Variants in HMCN1 observed in about 807,000 individuals in gnomAD.
HMCN1 encodes the protein hemicentin-1.
Under a neutral mutation model 625.9 loss-of-function variants are expected in HMCN1, and 321 were observed. That is an observed-to-expected ratio of 0.51 (90% CI 0.47 to 0.56). The LOEUF (loss-of-function observed/expected upper bound fraction) is 0.56. HMCN1 is among the 20% of genes least tolerant of loss of function. HMCN1 has a pLI of 0.00. For synonymous variants in HMCN1, 2,425 were observed against 2,417.6 expected (o/e 1.00, Z -0.09); for missense variants, 6,588 against 6,887.3 (o/e 0.96, Z 1.54).
In HMCN1 at chr1:186,061,863, T is replaced by C; in HGVS notation, c.7325T>C (p.Leu2442Pro). The change falls in exon 47 of 107, where the codon CTA becomes CCA. Residue 2442 changes from leucine to proline, a missense_variant. Transcript: ENST00000271588. ...TTTGCTTCTGCAGGAGGCAGGATGC[T>C]ACGGCTGATGCAGACCACAATGGAA... ...SVRILSGGRM[L>P]RLMQTTMEDA... 1 of 1,611,184 alleles carries C rather than the reference T, an allele frequency of 6.2e-7. No homozygotes were observed. Among genetic ancestry groups the C allele is most frequent in the Non-Finnish European group, 8.5e-7 (1 of 1,177,586 alleles).
intron 2 of HMCN1, among the ~76,000 whole-genome samples, chr1:185,847,873 A>T (rs1661924102): frequency 6.6e-6 from 1 of 152,018 alleles, no homozygotes; most frequent in Non-Finnish European, 1.5e-5. Context: ...GGATCACTTG[A>T]GCCCAGGAGT....
intron 3 of HMCN1, among the ~76,000 whole-genome samples, chr1:185,864,963 G>A (rs575078598): frequency 2.6e-5 from 4 of 152,324 alleles, no homozygotes; most frequent in Admixed American, 6.5e-5. Context: ...GTGGAATCAC[G>A]CCTGAGTCAG....
chr1:186,017,476 G>A (rs1654440193), intron 33 of HMCN1, among the ~76,000 whole-genome samples: 2 of 151,528 alleles, frequency 1.3e-5, no homozygotes, highest in South Asian at 4.1e-4. Flanking sequence ...ATGAGTATGT[G>A]TTTACCAATT....
At position 186,093,655 on chromosome 1, in the gene HMCN1, A is replaced by G; in HGVS notation, c.10182A>G (p.Ala3394=). ...CCTCCCATATCCGGTTACTGGCAGC[A>G]GGACAAGTTATCAGGTCAGCTTTTA... ...PLSSHIRLLA[A]GQVIRIVRAQ... The change falls in exon 66 of 107, where the codon GCA becomes GCG. Residue 3394 remains alanine, a synonymous_variant. Transcript: ENST00000271588. 1 of 1,613,304 alleles carries G rather than the reference A, an allele frequency of 6.2e-7. No individual in the cohort carries two copies. Among genetic ancestry groups the G allele is most frequent in the African/African-American group, 1.3e-5 (1 of 75,012 alleles).
At chr1:185,991,898 C>T (rs1293626204) in intron 22 of HMCN1, among the ~76,000 whole-genome samples, 1 of 152,158 alleles carries the variant, frequency 6.6e-6, no homozygotes, top group Non-Finnish European at 1.5e-5. Context: ...CATCCACCAA[C>T]AGAATATAAG....
At chr1:186,163,075 A>G (rs2102611818) in intron 97 of HMCN1, among the ~76,000 whole-genome samples, 1 of 152,286 alleles carries the variant, frequency 6.6e-6, no homozygotes, top group African/African-American at 2.4e-5. Context: ...TCCAGCTTCC[A>G]GGCTGCTTTG....
chr1:185,947,875 A>G (rs1668425537), intron 11 of HMCN1, among the ~76,000 whole-genome samples: 1 of 152,192 alleles, frequency 6.6e-6, no homozygotes, highest in South Asian at 2.1e-4. Flanking sequence ...TCTTAGTGAG[A>G]TTTTGTATTT....
At chr1:186,041,864 T>C (rs939996334) in intron 40 of HMCN1, among the ~76,000 whole-genome samples, 3 of 152,212 alleles carry the variant, frequency 2.0e-5, no homozygotes, top group Admixed American at 2.0e-4. Flanking sequence ...TTCTGTTTAA[T>C]GCAGAATGCA....
intron 15 of HMCN1, among the ~76,000 whole-genome samples, chr1:185,971,064 C>T (rs1411038914): frequency 1.3e-5 from 2 of 152,170 alleles, no homozygotes; most frequent in African/African-American, 4.8e-5. Context: ...GGCTAAGCAA[C>T]TTGATCAGAG....
chr1:185,793,873 T>C (rs1658168605), intron 1 of HMCN1, among the ~76,000 whole-genome samples: 1 of 152,176 alleles, frequency 6.6e-6, no homozygotes, highest in Admixed American at 6.5e-5. Flanking sequence ...AGATGAACTA[T>C]ATGAAGACCT....
rs751475802 is a variant in HMCN1, at chr1:185,864,457, C to T, written c.340-13C>T. Reference sequence around the variant, plus strand: ...GATGATGACGTAATTGAATTTTTCTCTCCACTCAACAGGGTGGTGGTGATT... The same window carrying T: ...GATGATGACGTAATTGAATTTTTCTTTCCACTCAACAGGGTGGTGGTGATT... On this transcript the variant is annotated splice_polypyrimidine_tract_variant and intron_variant, in intron 2 of 106. Coordinates refer to ENST00000271588, the MANE Select transcript of HMCN1 (RefSeq NM_031935.3). 2.1e-5 allele frequency: 34 copies of T among 1,613,312 alleles called. No individual in the cohort carries two copies. Among genetic ancestry groups the T allele is most frequent in the Admixed American group, 5.0e-5 (3 of 59,990 alleles).
chr1:186,000,334 A>C, intron 26 of HMCN1, 95 bp downstream of exon 26: 1 of 876,216 alleles, frequency 1.1e-6, no homozygotes, highest in Non-Finnish European at 1.9e-6. Context: ...TTTAATATTA[A>C]TGTGAATAGC....
At chr1:185,767,011 TA>T (rs5779259) in intron 1 of HMCN1, among the ~76,000 whole-genome samples, 35,762 of 145,166 alleles carry the variant, frequency 0.25, 4,459 homozygotes, top group Non-Finnish European at 0.29. Flanking sequence ...GAGAAATCAT[TA>T]AAAAAAAAAA....
At chr1:186,091,947 T>C (rs900220522) in intron 64 of HMCN1, among the ~76,000 whole-genome samples, 28 of 152,006 alleles carry the variant, frequency 1.8e-4, no homozygotes, top group African/African-American at 6.5e-4. Flanking sequence ...GGTGTGAACA[T>C]TTTTGAGTAA....
rs1242850309 is a variant in HMCN1, at chr1:186,074,733, A to G, written c.8140-8A>G. 6.2e-7 allele frequency: 1 copy of G among 1,612,204 alleles called. No individual in the cohort carries two copies. The highest frequency in any genetic ancestry group is 1.3e-5 in the African/African-American group (1 of 74,986). On this transcript the variant is annotated splice_region_variant and splice_polypyrimidine_tract_variant and intron_variant, in intron 52 of 106. Coordinates refer to ENST00000271588, the MANE Select transcript of HMCN1 (RefSeq NM_031935.3). ...CTTAATGCTAACATTGTTATAATTG[A>G]ATCACAGCCCCTTAAATCCGATGAT...
rs746607981 is a variant in HMCN1, at chr1:186,145,832, G to T, written c.14517G>T (p.Arg4839=). Residue 4839 remains arginine (R), a synonymous_variant, in exon 93 of 107, where the codon CGG becomes CGT. Coordinates refer to ENST00000271588, the MANE Select transcript of HMCN1 (RefSeq NM_031935.3). ...GAGGAGGTGAAAAGACTCGGAAGCG[G>T]CTGTGCGACCATCCTGTGCCAGTTA... ...SCGGGEKTRK[R]LCDHPVPVKG... is the part of the protein sequence containing the mutation. 6.2e-7 allele frequency: 1 copy of T among 1,614,068 alleles called. No homozygotes were observed. The highest frequency in any genetic ancestry group is 1.7e-5 in the Admixed American group (1 of 60,010).
intron 1 of HMCN1, among the ~76,000 whole-genome samples, chr1:185,817,735 A>G (rs58140638): frequency 0.058 from 8,898 of 152,248 alleles, 879 homozygotes; most frequent in African/African-American, 0.2. Context: ...AAAGTGGTGC[A>G]AGAATGGCCC....
At chr1:185,839,408 G>A (rs925900793) in intron 1 of HMCN1, among the ~76,000 whole-genome samples, 1 of 152,138 alleles carries the variant, frequency 6.6e-6, no homozygotes, top group African/African-American at 2.4e-5. Context: ...CCTTGAGAAC[G>A]TTGGAAAGCT....
At chr1:185,759,403 G>A (rs1048026745) in intron 1 of HMCN1, among the ~76,000 whole-genome samples, 1 of 152,154 alleles carries the variant, frequency 6.6e-6, no homozygotes, top group African/African-American at 2.4e-5. Context: ...AAAGCATGAA[G>A]GGTCATAAGT....
Sources: gnomAD v4.1 joint callset for allele counts (sites outside exome capture counted in the v4.1 genomes callset) on GRCh38, gnomAD v4.1.1 for gene constraint, MANE v1.5 for transcripts, NCBI Gene and HGNC (gene_info 2026-07-23, HGNC 2026-07-21) for gene names.